TTLL4: variants seen among roughly 807,000 people sequenced by gnomAD.
TTLL4 encodes the protein tubulin monoglutamylase TTLL4.
TTLL4 carries 85 observed loss-of-function variants against 122.7 expected under a neutral mutation model. That is an observed-to-expected ratio of 0.69 (90% confidence interval 0.58 to 0.83). The LOEUF is 0.83. TTLL4 is among the 40% of genes least tolerant of loss of function. The pLI, the probability that TTLL4 is intolerant of heterozygous loss-of-function variation, is 0.00. For synonymous variants in TTLL4, 553 were observed against 563.0 expected (o/e 0.98, Z 0.25); for missense variants, 1,363 against 1,488.6 (o/e 0.92, Z 1.39).
chr2:218,738,889 G>C lies in TTLL4; in HGVS notation c.1213G>C (p.Asp405His), dbSNP rs773414414. The C allele has an allele frequency of 4.2e-5, 67 of 1,614,068 alleles. 1 individual carries two copies. In the South Asian group the frequency reaches 6.8e-4, roughly 16 times the overall value. The change falls in exon 3 of 20, where the codon GAT (aspartate) becomes CAT (histidine). Residue 405 changes from aspartate (D) to histidine (H), a missense_variant. Asp to His is a moderately conservative substitution (Grantham distance 81). This residue lies in a region of TTLL4 where 760 missense variants were observed against 808.4 expected (regional missense o/e 0.94). Coordinates refer to ENST00000392102, the MANE Select transcript of TTLL4 (RefSeq NM_014640.5). ...CAGGCGGGTCCTCCCTGGTGCCTCA[G>C]ATACCTTGGGGTTGGACAATACAGT... ...SVRRVLPGAS[D>H]TLGLDNTVFC...
At chr2:218,746,596 C>T (rs546770165) in intron 8 of TTLL4, 2 of 367,838 alleles carry the variant, frequency 5.4e-6, no homozygotes, top group Non-Finnish European at 1.0e-5. Flanking sequence ...TATTATGTTT[C>T]CCTATGATCA....
chr2:218,747,295 A>G lies in TTLL4; in HGVS notation c.2172A>G (p.Ala724=), dbSNP rs1293319134. Residue 724 remains alanine (A), a synonymous_variant, in exon 10 of 20, where the codon GCA becomes GCG. Coordinates refer to ENST00000392102, the MANE Select transcript of TTLL4 (RefSeq NM_014640.5). The surrounding 1 kb of genome is among the most constrained non-coding windows in gnomAD (Gnocchi z 4.7). ...CATCTCCTTTCTGCTCCTAGCCAGCATCAGCTCGAGGCATTGGCATCCAGG... is the reference window on the plus strand; with the variant it reads ...CATCTCCTTTCTGCTCCTAGCCAGCGTCAGCTCGAGGCATTGGCATCCAGG... ...SRQKWIVKPP[A]SARGIGIQVI... 1 of 1,614,196 alleles carries G rather than the reference A, an allele frequency of 6.2e-7. No homozygotes were observed. The highest frequency in any genetic ancestry group is 1.7e-5 in the Admixed American group (1 of 60,028).
chr2:218,736,644 C>T (rs1942532494), intron 2 of TTLL4, among the ~76,000 whole-genome samples: 1 of 152,042 alleles, frequency 6.6e-6, no homozygotes, highest in African/African-American at 2.4e-5. Context: ...TTCTTTTTCC[C>T]ACCAACACAC....
intron 2 of TTLL4, among the ~76,000 whole-genome samples, chr2:218,730,971 G>A (rs1446080691): frequency 1.3e-5 from 2 of 152,000 alleles, no homozygotes; most frequent in Non-Finnish European, 2.9e-5. Context: ...AATTAGCTAG[G>A]CATGGTGGTG....
At chr2:218,736,591 C>CT (rs147204450) in intron 2 of TTLL4, among the ~76,000 whole-genome samples, 46,245 of 152,070 alleles carry the variant, frequency 0.3, 9,053 homozygotes, top group Non-Finnish European at 0.42. Context: ...AATAAAGTCA[C>CT]TTTAAGTAAA....
intron 7 of TTLL4, 135 bp from the exon 8 acceptor site, chr2:218,746,020 C>G: frequency 9.5e-7 from 1 of 1,054,356 alleles, no homozygotes; most frequent in East Asian, 2.4e-5. Context: ...GCCCCAGGGC[C>G]TCATGTAGGA....
intron 1 of TTLL4, among the ~76,000 whole-genome samples, chr2:218,718,068 C>T (rs549744315): frequency 1.3e-5 from 2 of 152,328 alleles, no homozygotes; most frequent in Admixed American, 6.5e-5. Context: ...GGATTACAGG[C>T]GTGAGCCTGT....
rs1943087581 is a variant in TTLL4 at position 218,753,732 on chromosome 2, C to T, written c.3344+63C>T. The T allele has an allele frequency of 2.6e-6, 4 of 1,557,886 alleles. No homozygotes were observed. In the South Asian group the frequency reaches 3.3e-5, roughly 13 times the overall value. On this transcript the variant is annotated intron_variant, in intron 19 of 19. Coordinates refer to ENST00000392102, the MANE Select transcript of TTLL4 (RefSeq NM_014640.5). ...TGAGTTTGTAGAGTTTTCTTCCTTC[C>T]CCTCTTCCCAGACTGTGGCAGTGAG...
intron 3 of TTLL4, among the ~76,000 whole-genome samples, chr2:218,739,455 G>A (rs1322732179): frequency 5.3e-5 from 8 of 152,158 alleles, no homozygotes; most frequent in African/African-American, 1.7e-4. Context: ...GTGATAAACC[G>A]ACTGGCCTGC....
At chr2:218,757,088 C>G (rs556767281), downstream of TTLL4, among the ~76,000 whole-genome samples, 1 of 152,076 alleles carries the variant, frequency 6.6e-6, no homozygotes, top group Non-Finnish European at 1.5e-5. Context: ...TGCAGGGTTG[C>G]GAAGATTTAA....
chr2:218,726,179 A>G (rs1321671944), intron 1 of TTLL4, among the ~76,000 whole-genome samples: 2 of 151,916 alleles, frequency 1.3e-5, no homozygotes, highest in East Asian at 3.9e-4. Flanking sequence ...GTTTTGCTGG[A>G]TACAGTATTC....
intron 5 of TTLL4, among the ~76,000 whole-genome samples, chr2:218,743,417 G>T (rs762151540): frequency 6.6e-6 from 1 of 152,112 alleles, no homozygotes; most frequent in African/African-American, 2.4e-5. Context: ...CTGTGGTATG[G>T]ATGTACCACA....
At chr2:218,732,125 TAGTAAC>T (rs1237233520) in intron 2 of TTLL4, among the ~76,000 whole-genome samples, 1 of 152,192 alleles carries the variant, frequency 6.6e-6, no homozygotes, top group Admixed American at 6.5e-5. Flanking sequence ...CCTTTGGACT[TAGTAAC>T]AGAGAGTAAG....
chr2:218,739,018 G>A lies in TTLL4; in HGVS notation c.1342G>A (p.Glu448Lys). ...TGTAATTGACTCCTCAGCATTTGGA[G>A]AAGGCAAAGCTCCAGGTCCCCCTTT... ...ESVIDSSAFG[E>K]GKAPGPPFPQ... Residue 448 changes from glutamate to lysine, a missense_variant, in exon 3 of 20, where the codon GAA becomes AAA. Physicochemically the swap from Glu to Lys is moderately conservative, Grantham distance 56. Coordinates refer to ENST00000392102, the MANE Select transcript of TTLL4 (RefSeq NM_014640.5). The A allele has an allele frequency of 6.2e-7, 1 of 1,614,158 alleles. No homozygotes were observed. Among genetic ancestry groups the A allele is most frequent in the South Asian group, 1.1e-5 (1 of 91,084 alleles).
At position 218,752,986 on chromosome 2, in the gene TTLL4, C is replaced by A; in HGVS notation, c.3187+13C>A. The A allele has an allele frequency of 6.2e-7, 1 of 1,614,166 alleles. No individual in the cohort carries two copies. ...AACAAGCTTAAAGGTGATGTGCCCT[C>A]CCTGCCCTCAGAAAGCCAAGTTTAG... On this transcript the variant is annotated intron_variant, in intron 17 of 19. Coordinates refer to ENST00000392102, the MANE Select transcript of TTLL4 (RefSeq NM_014640.5).
intron 6 of TTLL4, 144 bp from the exon 7 acceptor site, chr2:218,745,544 GCTC>G (rs551067969): frequency 2.9e-5 from 19 of 662,660 alleles, no homozygotes; most frequent in Non-Finnish European, 4.8e-5. Flanking sequence ...CCCAAAGTGT[GCTC>G]CTCTGAAACC....
At chr2:218,724,461 A>G (rs950707174) in intron 1 of TTLL4, among the ~76,000 whole-genome samples, 2 of 152,088 alleles carry the variant, frequency 1.3e-5, no homozygotes, top group African/African-American at 2.4e-5. Flanking sequence ...TTAACCACCA[A>G]TCTGTTCTCT....
chr2:218,741,958 A>AAT, intron 5 of TTLL4, among the ~76,000 whole-genome samples: 1 of 152,252 alleles, frequency 6.6e-6, no homozygotes, highest in Non-Finnish European at 1.5e-5. Context: ...AGAAAATGGA[A>AAT]ATATATATTT....
chr2:218,711,993 C>T (rs1044543813), intron 1 of TTLL4, among the ~76,000 whole-genome samples: 2 of 151,930 alleles, frequency 1.3e-5, no homozygotes, highest in Non-Finnish European at 2.9e-5. Flanking sequence ...TGCATTTAAA[C>T]CACCCACTTT....
Sources: allele counts gnomAD v4.1 joint callset (sites outside exome capture counted in the v4.1 genomes callset), GRCh38; gene constraint gnomAD v4.1.1; regional missense constraint gnomAD v4.1.1; non-coding constraint Gnocchi (gnomAD v3.1); transcripts MANE v1.5; gene names NCBI Gene and HGNC (gene_info 2026-07-23, HGNC 2026-07-21).